TBC1D2: variants seen among roughly 807,000 people sequenced by gnomAD.
The protein encoded by TBC1D2 is TBC1 domain family member 2A.
In TBC1D2, 58 loss-of-function variants were observed where a neutral mutation model predicts 91.1. The observed-to-expected ratio is 0.64, with a 90% CI of 0.52 to 0.79. The LOEUF is 0.79. Ranked by LOEUF, TBC1D2 falls within the 30% of genes least tolerant of loss-of-function variation. The probability of loss-of-function intolerance (pLI) is 0.00; values close to 1 mark genes in which losing one functional copy is unlikely to be tolerated. For missense variants in TBC1D2, 1,080 were observed against 1,208.3 expected, an observed-to-expected ratio of 0.89 and a Z score of 1.57; for synonymous variants, 482 against 511.5, an observed-to-expected ratio of 0.94 and a Z score of 0.78.
At chr9:98,235,373 G>T in intron 3 of TBC1D2, 1 of 456,132 alleles carries the variant, frequency 2.2e-6, no homozygotes, top group South Asian at 1.8e-5. Context: ...ACAGTTACAA[G>T]GAATTCCAGT....
chr9:98,237,009 A>G (rs750548541), intron 3 of TBC1D2, among the ~76,000 whole-genome samples: 6 of 152,054 alleles, frequency 3.9e-5, no homozygotes, highest in Non-Finnish European at 8.8e-5. Flanking sequence ...ATGAATTTAA[A>G]GCATGCCAGT....
At position 98,220,832 on chromosome 9, in the gene TBC1D2, C is replaced by A. The variant is rs778583489; in HGVS notation, c.1374+1G>T. 3 of 1,613,422 alleles carry A rather than the reference C, an allele frequency of 1.9e-6. No individual in the cohort carries two copies. Among genetic ancestry groups the A allele is most frequent in the African/African-American group, 1.3e-5 (1 of 74,924 alleles). ...GGCAGGCCCTGAGGGGAGGCCCCTA[C>A]CTTCAGGTGCTCTATCTTCCCCTGC... On this transcript the variant is annotated splice_donor_variant, in intron 6 of 12. Coordinates refer to ENST00000465784, the MANE Select transcript of TBC1D2 (RefSeq NM_001267571.2). LOFTEE classifies it high-confidence loss of function.
intron 5 of TBC1D2, among the ~76,000 whole-genome samples, chr9:98,223,289 A>G (rs1403903780): frequency 6.6e-6 from 1 of 152,214 alleles, no homozygotes; most frequent in African/African-American, 2.4e-5. Flanking sequence ...ATGGCCCTCC[A>G]GATGTGGCCA....
chr9:98,239,867 T>G (rs1829594153), intron 3 of TBC1D2, among the ~76,000 whole-genome samples: 1 of 152,192 alleles, frequency 6.6e-6, no homozygotes, highest in Non-Finnish European at 1.5e-5. Context: ...TGTAATTAGG[T>G]CTTTTTAGAT....
rs183288178 is a variant in TBC1D2, at chr9:98,253,532, C to G, written c.370-1606G>C. ...CCAATTCCCCACCCTCGGGCCTCTG[C>G]TCTTCAACTCCATCCTTTGGGCCCC... On this transcript the variant is annotated intron_variant, in intron 1 of 12. Transcript: ENST00000465784. Among the ~76,000 whole-genome samples, 210 of 152,364 alleles carry G rather than the reference C, an allele frequency of 1.4e-3. 1 individual carries two copies. Among genetic ancestry groups the G allele is most frequent in the African/African-American group, 4.4e-3 (182 of 41,586 alleles).
intron 1 of TBC1D2, among the ~76,000 whole-genome samples, chr9:98,254,384 T>A (rs1829931571): frequency 6.6e-6 from 1 of 152,230 alleles, no homozygotes; most frequent in African/African-American, 2.4e-5. Context: ...GGCTGTATTC[T>A]AGGTGATGCA....
At chr9:98,247,466 C>G (rs1057197634) in intron 2 of TBC1D2, among the ~76,000 whole-genome samples, 1 of 150,996 alleles carries the variant, frequency 6.6e-6, no homozygotes, top group Admixed American at 6.6e-5. Context: ...CGATGGCTCA[C>G]GCCTGTAATC....
intron 5 of TBC1D2, among the ~76,000 whole-genome samples, chr9:98,222,614 G>T (rs1035512507): frequency 6.6e-6 from 1 of 152,250 alleles, no homozygotes; most frequent in African/African-American, 2.4e-5. Context: ...CTGTCCCAAA[G>T]CAGGGATGTG....
chr9:98,216,914 G>A (rs905614415), intron 6 of TBC1D2, among the ~76,000 whole-genome samples: 1 of 152,128 alleles, frequency 6.6e-6, no homozygotes. Context: ...TGTTGCCTAG[G>A]CTGGTCTCAA....
Position 98,229,061 on chromosome 9 carries a change from G to T in TBC1D2, c.869C>A (p.Thr290Asn), listed in dbSNP as rs767605809. The T allele has an allele frequency of 2.5e-6, 4 of 1,614,246 alleles. No individual in the cohort carries two copies. The East Asian group carries it at 6.7e-5, about 27-fold the overall frequency. The change falls in exon 5 of 13, where the codon ACC (threonine) becomes AAC (asparagine). Residue 290 changes from threonine (T) to asparagine (N), a missense_variant. Thr to Asn is a moderately conservative substitution (Grantham distance 65). Coordinates refer to ENST00000465784, the MANE Select transcript of TBC1D2 (RefSeq NM_001267571.2). Reference protein sequence around the residue: ...FAQKAKRQNNTFPFFSEGITR... With the variant: ...FAQKAKRQNNNFPFFSEGITR... ...GATTCCTTCAGAAAAGAATGGGAAG[G>T]TGTTGTTCTGGCGCTTGGCTTTCTG...
rs1007899639 is a variant in TBC1D2 at position 98,221,735 on chromosome 9, CTT to C, written c.979-509_979-508del. ...CGTTTTGGGCCACAGTGCTTTGAAA[CTT>C]TTTTTTTTTGAGATAGCGTCTCCCT... On this transcript the variant is annotated intron_variant, in intron 5 of 12. Coordinates refer to ENST00000465784, the MANE Select transcript of TBC1D2 (RefSeq NM_001267571.2). 3.4e-5 allele frequency among the ~76,000 whole-genome samples: 5 copies of C among 147,960 alleles called. No individual in the cohort carries two copies. The Admixed American group carries it at 3.4e-4, about 10-fold the overall frequency.
Position 98,208,874 on chromosome 9 carries a change from A to C in TBC1D2, c.1944T>G (p.Thr648=). ...TCAGCAGTTCCTGGTAGCAGCCTGG[A>C]GTGTGCAGGTGCTGGACACGGAGGT... ...LVHLRVQHLH[T]PGCYQELLSR... Residue 648 remains threonine (T), a synonymous_variant, in exon 9 of 13, where the codon ACT becomes ACG. Coordinates refer to ENST00000465784, the MANE Select transcript of TBC1D2 (RefSeq NM_001267571.2). 1 of 1,613,984 alleles carries C rather than the reference A, an allele frequency of 6.2e-7. No homozygotes were observed. Among genetic ancestry groups the C allele is most frequent in the Non-Finnish European group, 8.5e-7 (1 of 1,179,968 alleles).
intron 2 of TBC1D2, among the ~76,000 whole-genome samples, chr9:98,244,519 C>T (rs559844999): frequency 9.9e-5 from 15 of 152,138 alleles, no homozygotes; most frequent in Middle Eastern, 3.4e-3. Context: ...ATTAGCCAGG[C>T]GTGGTGGCGC....
At chr9:98,251,714 C>T (rs1356653745) in intron 2 of TBC1D2, 71 bp downstream of exon 2, 2 of 1,472,638 alleles carry the variant, frequency 1.4e-6, no homozygotes, top group Non-Finnish European at 1.8e-6. Context: ...CCCGCTCATT[C>T]CCAGCAGGAG....
At chr9:98,239,439 T>A (rs1368721504) in intron 3 of TBC1D2, among the ~76,000 whole-genome samples, 1 of 152,258 alleles carries the variant, frequency 6.6e-6, no homozygotes, top group Non-Finnish European at 1.5e-5. Flanking sequence ...ATGATGTGGT[T>A]TTTCACCTTC....
At chr9:98,201,729 A>G in intron 10 of TBC1D2, 65 bp from the exon 11 acceptor site, 1 of 1,501,258 alleles carries the variant, frequency 6.7e-7, no homozygotes, top group Non-Finnish European at 9.0e-7. Context: ...CTCCCTGCCC[A>G]GCCTTCCTAC....
At chr9:98,234,300 T>C (rs1829449310) in intron 3 of TBC1D2, among the ~76,000 whole-genome samples, 1 of 152,020 alleles carries the variant, frequency 6.6e-6, no homozygotes, top group East Asian at 1.9e-4. Flanking sequence ...ACATGTTTGG[T>C]TTATAGAAGG....
rs1394029355 is a variant in TBC1D2 at position 98,208,822 on chromosome 9, C to T, written c.1996G>A (p.Ala666Thr). 1 of 1,605,592 alleles carries T rather than the reference C, an allele frequency of 6.2e-7. No homozygotes were observed. The highest frequency in any genetic ancestry group is 1.7e-5 in the Admixed American group (1 of 59,774). ...AGGTCCAGCTCAATCTGGCGGGCAG[C>T]AGGGTGCTCGCGGGCCTGGCCCCGG... Reference protein sequence around the residue: ...LSRGQAREHPAARQIELDLNR... With the variant: ...LSRGQAREHPTARQIELDLNR... The change falls in exon 9 of 13, where the codon GCT becomes ACT. Residue 666 changes from alanine to threonine, a missense_variant. Physicochemically the swap from Ala to Thr is moderately conservative, Grantham distance 58. Transcript: ENST00000465784.
At chr9:98,227,178 GAA>G (rs566874188) in intron 5 of TBC1D2, among the ~76,000 whole-genome samples, 92 of 152,338 alleles carry the variant, frequency 6.0e-4, no homozygotes, top group African/African-American at 2.0e-3. Context: ...ATGACAGGAG[GAA>G]AAGACAGCTG....
Sources: allele counts gnomAD v4.1 joint callset (sites outside exome capture counted in the v4.1 genomes callset), GRCh38; gene constraint gnomAD v4.1.1; transcripts MANE v1.5; gene names NCBI Gene and HGNC (gene_info 2026-07-23, HGNC 2026-07-21).